The following SMIM1 variants were observed in gnomAD, a reference collection of about 807,000 sequenced individuals.
The protein encoded by SMIM1 is small integral membrane protein 1.
Under a neutral mutation model 7.7 loss-of-function variants are expected in SMIM1, and 7 were observed. That is an observed-to-expected ratio of 0.91 (90% CI 0.52 to 1.71). The LOEUF (loss-of-function observed/expected upper bound fraction) is 1.71. SMIM1 is among the 40% of genes most tolerant of loss of function. The pLI is 0.00. For synonymous variants in SMIM1, 41 were observed against 42.7 expected, an observed-to-expected ratio of 0.96 and a Z score of 0.16; for missense variants, 95 against 102.8, an observed-to-expected ratio of 0.92 and a Z score of 0.33.
At chr1:3,773,942 C>A (rs138131336) in intron 2 of SMIM1, among the ~76,000 whole-genome samples, 242 of 152,338 alleles carry the variant, frequency 1.6e-3, no homozygotes, top group Middle Eastern at 3.4e-3. Context: ...GGCCTGAGTG[C>A]CAGGCTGCAC....
intron 2 of SMIM1, among the ~76,000 whole-genome samples, chr1:3,774,154 C>G (rs1274630245): frequency 4.6e-5 from 7 of 152,112 alleles, no homozygotes; most frequent in African/African-American, 1.7e-4. Flanking sequence ...GGAAGGTCAG[C>G]CTTCCCCGCT....
chr1:3,774,023 G>C (rs1377621840), intron 2 of SMIM1, among the ~76,000 whole-genome samples: 1 of 152,228 alleles, frequency 6.6e-6, no homozygotes, highest in Non-Finnish European at 1.5e-5. Flanking sequence ...CTGGGCTTTG[G>C]GGGAAGGCAG....
At chr1:3,774,601 C>G (rs1048514675) in intron 2 of SMIM1, among the ~76,000 whole-genome samples, 1 of 152,284 alleles carries the variant, frequency 6.6e-6, no homozygotes, top group Admixed American at 6.5e-5. Context: ...GGGGCCGGGC[C>G]CCTCCTGCTC....
chr1:3,775,258 A>C lies in SMIM1; in HGVS notation c.-75-41A>C. 4 of 690,630 alleles carry C rather than the reference A, an allele frequency of 5.8e-6. No homozygotes were observed. Among genetic ancestry groups the C allele is most frequent in the Non-Finnish European group, 9.5e-6 (4 of 420,934 alleles). 42.8% of individuals were successfully genotyped at this position (690,630 alleles called of 1,614,324 possible). A position where few individuals can be genotyped will look rare whatever the true frequency, so the allele number is the denominator to read the frequency against. ...GCCCCTCTCCTAACAGCAGCCTCAGAGGGGGTCTTGACTGCCGCCCTCCAT... is the reference window on the plus strand; with the variant it reads ...GCCCCTCTCCTAACAGCAGCCTCAGCGGGGGTCTTGACTGCCGCCCTCCAT... On this transcript the variant is annotated intron_variant, in intron 2 of 3. Coordinates refer to ENST00000642557, the MANE Select transcript of SMIM1 (RefSeq NM_001288583.2). This position sits in a 1 kb window ranked among gnomAD's most constrained non-coding sequence, Gnocchi z 5.3.
At chr1:3,774,872 C>G (rs893897616) in intron 2 of SMIM1, among the ~76,000 whole-genome samples, 1 of 152,102 alleles carries the variant, frequency 6.6e-6, no homozygotes, top group Non-Finnish European at 1.5e-5. Flanking sequence ...CTGCCCCACC[C>G]CCCCCTCCCC....
At chr1:3,774,153 G>T (rs546406260) in intron 2 of SMIM1, among the ~76,000 whole-genome samples, 1 of 152,124 alleles carries the variant, frequency 6.6e-6, no homozygotes, top group Non-Finnish European at 1.5e-5. Flanking sequence ...AGGAAGGTCA[G>T]CCTTCCCCGC....
chr1:3,773,876 C>T (rs1643419468), intron 2 of SMIM1, among the ~76,000 whole-genome samples: 1 of 152,216 alleles, frequency 6.6e-6, no homozygotes, highest in South Asian at 2.1e-4. Context: ...CAGCTGACCG[C>T]TCCACATGCT....
Position 3,775,763 on chromosome 1 carries a change from T to G in SMIM1, c.111-32T>G, listed in dbSNP as rs1557637299. On this transcript the variant is annotated intron_variant, in intron 3 of 3. Coordinates refer to ENST00000642557, the MANE Select transcript of SMIM1 (RefSeq NM_001288583.2). This position sits in a 1 kb window ranked among gnomAD's most constrained non-coding sequence, Gnocchi z 5.3. ...GGGGGCCCCTCATGCGGCCCTGGCC[T>G]GGGGCTCACCTCCAGTTGGTTCTCA... The G allele has an allele frequency of 6.5e-7, 1 of 1,545,208 alleles. No homozygotes were observed.
At chr1:3,773,970 C>T (rs907737905) in intron 2 of SMIM1, among the ~76,000 whole-genome samples, 6 of 152,168 alleles carry the variant, frequency 3.9e-5, no homozygotes, top group Admixed American at 1.3e-4. Flanking sequence ...GGGCTCCCAC[C>T]GAAGGCACAC....
chr1:3,775,035 G>T lies in SMIM1; in HGVS notation c.-75-264G>T, dbSNP rs1181531054. Among the ~76,000 whole-genome samples, 1 of 152,178 alleles carries T rather than the reference G, an allele frequency of 6.6e-6. No homozygotes were observed. The highest frequency in any genetic ancestry group is 2.4e-5 in the African/African-American group (1 of 41,438). On this transcript the variant is annotated intron_variant, in intron 2 of 3. Transcript: ENST00000642557. This position sits in a 1 kb window ranked among gnomAD's most constrained non-coding sequence, Gnocchi z 5.3. ...GCTCCCTGATAAAAGCACCGGGGAA[G>T]GGAGGCTCCTGGAGTGTGCTGGAAG...
chr1:3,775,618 G>T lies in SMIM1; in HGVS notation c.110+135G>T. Reference sequence around the variant, plus strand: ...TGGGAGCCCACGGTCCAGCAGCTCAGCAAACCGCAGCCTTTGGCCTTCCCT... The same window carrying T: ...TGGGAGCCCACGGTCCAGCAGCTCATCAAACCGCAGCCTTTGGCCTTCCCT... On this transcript the variant is annotated intron_variant, in intron 3 of 3. Transcript: ENST00000642557. The surrounding 1 kb of genome is among the most constrained non-coding windows in gnomAD (Gnocchi z 5.3). 1 of 1,282,602 alleles carries T rather than the reference G, an allele frequency of 7.8e-7. No individual in the cohort carries two copies. Among genetic ancestry groups the T allele is most frequent in the Non-Finnish European group, 1.1e-6 (1 of 951,200 alleles). 79.5% of individuals were successfully genotyped at this position (1,282,602 alleles called of 1,614,324 possible).
At position 3,775,134 on chromosome 1, in the gene SMIM1, C is replaced by T. The variant is rs1643438119; in HGVS notation, c.-75-165C>T. On this transcript the variant is annotated intron_variant, in intron 2 of 3. Transcript: ENST00000642557. The surrounding 1 kb of genome is among the most constrained non-coding windows in gnomAD (Gnocchi z 5.3). ...GAATTCTCGCTTGGTCCCATCCTCC[C>T]GGCCTGACCCTGGGCAAATGACTCT... 6.6e-6 allele frequency among the ~76,000 whole-genome samples: 1 copy of T among 152,140 alleles called. No individual in the cohort carries two copies. The highest frequency in any genetic ancestry group is 6.5e-5 in the Admixed American group (1 of 15,280).
Position 3,775,382 on chromosome 1 carries a change from C to G in SMIM1, c.9C>G (p.Pro3=). 6.5e-7 allele frequency: 1 copy of G among 1,549,810 alleles called. No homozygotes were observed. The highest frequency in any genetic ancestry group is 8.7e-7 in the Non-Finnish European group (1 of 1,146,560). The change falls in exon 3 of 4, where the codon CCC becomes CCG. Residue 3 remains proline, a synonymous_variant. Coordinates refer to ENST00000642557, the MANE Select transcript of SMIM1 (RefSeq NM_001288583.2). This position sits in a 1 kb window ranked among gnomAD's most constrained non-coding sequence, Gnocchi z 5.3. ...CGCTGCAGCCCCACAGCATGCAGCC[C>G]CAGGAGAGCCACGTCCACTATAGTA... The part of the protein sequence containing the change: MQ[P]QESHVHYSRW...
intron 2 of SMIM1, among the ~76,000 whole-genome samples, chr1:3,774,596 C>T (rs1161100509): frequency 2.6e-5 from 4 of 152,288 alleles, no homozygotes; most frequent in African/African-American, 7.2e-5. Flanking sequence ...GCCTTGGGGC[C>T]GGGCCCCTCC....
At chr1:3,774,686 G>A (rs1034189845) in intron 2 of SMIM1, among the ~76,000 whole-genome samples, 23 of 150,540 alleles carry the variant, frequency 1.5e-4, no homozygotes, top group East Asian at 1.0e-3. Context: ...CCCCGGCCCC[G>A]TGCTCAGTGC....
intron 2 of SMIM1, among the ~76,000 whole-genome samples, chr1:3,774,869 A>ACC (rs1161644182): frequency 8.3e-5 from 8 of 96,424 alleles, no homozygotes; most frequent in Non-Finnish European, 1.7e-4. Flanking sequence ...GCCCTGCCCC[A>ACC]CCCCCCCCTC....
Position 3,775,780 on chromosome 1 carries a change from T to G in SMIM1, c.111-15T>G, listed in dbSNP as rs1222801227. 5 of 1,548,530 alleles carry G rather than the reference T, an allele frequency of 3.2e-6. No individual in the cohort carries two copies. The highest frequency in any genetic ancestry group is 2.4e-5 in the South Asian group (2 of 84,012). On this transcript the variant is annotated splice_polypyrimidine_tract_variant and intron_variant, in intron 3 of 3. Transcript: ENST00000642557. The surrounding 1 kb of genome is among the most constrained non-coding windows in gnomAD (Gnocchi z 5.3). The stretch of plus-strand genomic sequence containing the variant: ...CCCTGGCCTGGGGCTCACCTCCAGT[T>G]GGTTCTCACCCCAGGATCTCCCAGA...
intron 2 of SMIM1, among the ~76,000 whole-genome samples, chr1:3,773,931 G>T (rs1025956738): frequency 6.6e-6 from 1 of 152,220 alleles, no homozygotes; most frequent in Non-Finnish European, 1.5e-5. Context: ...GGGCCTCTCC[G>T]GGCCTGAGTG....
In SMIM1 at chr1:3,773,367, A is replaced by G. The variant is rs548186753; in HGVS notation, c.-76+186A>G. 2.0e-3 allele frequency among the ~76,000 whole-genome samples: 307 copies of G among 152,252 alleles called. 2 individuals are homozygous for G. The highest frequency in any genetic ancestry group is 1.6e-3 in the Non-Finnish European group (112 of 68,004). ...CTGTGACCATCACATGAGTGTGGAG[A>G]GACGTTTACTGAGCAAGTGAGGGAG... On this transcript the variant is annotated intron_variant, in intron 2 of 3. Coordinates refer to ENST00000642557, the MANE Select transcript of SMIM1 (RefSeq NM_001288583.2).
Sources: allele counts gnomAD v4.1 joint callset (sites outside exome capture counted in the v4.1 genomes callset), GRCh38; gene constraint gnomAD v4.1.1; non-coding constraint Gnocchi (gnomAD v3.1); transcripts MANE v1.5; gene names NCBI Gene and HGNC (gene_info 2026-07-23, HGNC 2026-07-21).